The following GRM8 variants were observed in gnomAD, a reference collection of about 807,000 sequenced individuals.
The protein encoded by GRM8 is glutamate metabotropic receptor 8.
In GRM8, 47 loss-of-function variants were observed where a neutral mutation model predicts 87.2. The observed-to-expected ratio is 0.54, with a 90% CI of 0.43 to 0.69. The LOEUF (loss-of-function observed/expected upper bound fraction) is 0.69, where lower values mean the gene tolerates loss of function less well. Among genes scored for constraint, GRM8 ranks in the 30% least tolerant of loss-of-function variants. The probability of loss-of-function intolerance (pLI) is 0.00; values close to 1 mark genes in which losing one functional copy is unlikely to be tolerated. For missense variants in GRM8, 1,019 were observed against 1,139.2 expected (o/e 0.89, Z 1.52); for synonymous variants, 396 against 404.5 (o/e 0.98, Z 0.25).
chr7:126,456,819 T>C (rs1803298680), intron 9 of GRM8, among the ~76,000 whole-genome samples: 1 of 151,498 alleles, frequency 6.6e-6, no homozygotes, highest in Non-Finnish European at 1.5e-5. Flanking sequence ...GAAATAACAA[T>C]ATATATAACA....
At chr7:126,469,448 C>A (rs533717059) in intron 9 of GRM8, among the ~76,000 whole-genome samples, 33 of 152,216 alleles carry the variant, frequency 2.2e-4, no homozygotes, top group Non-Finnish European at 4.1e-4. Context: ...TTGGCTATGT[C>A]CCCACCCAAA....
At chr7:126,502,544 T>C (rs534087753) in intron 9 of GRM8, among the ~76,000 whole-genome samples, 1 of 152,172 alleles carries the variant, frequency 6.6e-6, no homozygotes, top group Non-Finnish European at 1.5e-5. Flanking sequence ...TGCTAAAATA[T>C]TTACAGAAGA....
chr7:126,584,985 C>T (rs549960165), intron 8 of GRM8, among the ~76,000 whole-genome samples: 14 of 152,122 alleles, frequency 9.2e-5, no homozygotes, highest in African/African-American at 2.9e-4. Context: ...AAATAAATAA[C>T]CCAATTGAAA....
At chr7:126,646,007 T>C (rs974017738) in intron 7 of GRM8, among the ~76,000 whole-genome samples, 4 of 152,152 alleles carry the variant, frequency 2.6e-5, no homozygotes, top group African/African-American at 9.7e-5. Context: ...CCTCCCTCTC[T>C]GTCTCTAGAG....
intron 7 of GRM8, among the ~76,000 whole-genome samples, chr7:126,611,441 A>T (rs144061514): frequency 6.6e-6 from 1 of 152,366 alleles, no homozygotes; most frequent in East Asian, 1.9e-4. Context: ...ACATAGTAAT[A>T]GAAAGGATGT....
intron 9 of GRM8, among the ~76,000 whole-genome samples, chr7:126,482,703 G>A (rs775194078): frequency 6.6e-6 from 1 of 151,934 alleles, no homozygotes; most frequent in African/African-American, 2.4e-5. Context: ...GATGCAAAGA[G>A]TTATAGAGAC....
chr7:126,643,060 G>T (rs1431977537), intron 7 of GRM8, among the ~76,000 whole-genome samples: 1 of 151,808 alleles, frequency 6.6e-6, no homozygotes, highest in Non-Finnish European at 1.5e-5. Flanking sequence ...GGAGGGTGAG[G>T]AGGGTGGATT....
intron 8 of GRM8, among the ~76,000 whole-genome samples, chr7:126,583,504 T>A (rs1449946850): frequency 1.3e-5 from 2 of 152,192 alleles, no homozygotes; most frequent in African/African-American, 2.4e-5. Context: ...TTCACCATTC[T>A]AGATGCCATT....
At chr7:126,546,367 G>T (rs935478237) in intron 8 of GRM8, among the ~76,000 whole-genome samples, 2 of 152,158 alleles carry the variant, frequency 1.3e-5, no homozygotes, top group Admixed American at 1.3e-4. Context: ...TGCTCCCGGG[G>T]CAGTGCATGA....
intron 2 of GRM8, among the ~76,000 whole-genome samples, chr7:127,182,988 A>G (rs1412853071): frequency 6.6e-6 from 1 of 151,820 alleles, no homozygotes; most frequent in Non-Finnish European, 1.5e-5. Flanking sequence ...CTCACAAATC[A>G]CCACTAAAGA....
chr7:126,904,721 G>T (rs375400410), intron 3 of GRM8, 38 bp from the exon 4 acceptor site: 10 of 1,595,148 alleles, frequency 6.3e-6, no homozygotes, highest in Admixed American at 3.4e-5. Flanking sequence ...TTCAGAAAGA[G>T]CATTTATTTA....
At chr7:126,757,051 T>C (rs984228412) in intron 7 of GRM8, among the ~76,000 whole-genome samples, 3 of 152,144 alleles carry the variant, frequency 2.0e-5, no homozygotes, top group African/African-American at 7.2e-5. Context: ...CATAAAATAA[T>C]TTCTTCAGCT....
chr7:127,137,274 G>C (rs947785025), intron 2 of GRM8, among the ~76,000 whole-genome samples: 5 of 151,964 alleles, frequency 3.3e-5, no homozygotes, highest in South Asian at 2.1e-4. Context: ...CAATGCCAGA[G>C]AGTAGGCACT....
intron 7 of GRM8, among the ~76,000 whole-genome samples, chr7:126,713,412 CAG>C (rs1258962083): frequency 6.6e-6 from 1 of 152,020 alleles, no homozygotes; most frequent in African/African-American, 2.4e-5. Flanking sequence ...CACATGGACA[CAG>C]GGAGGGGAAC....
At chr7:126,996,408 TACA>T (rs1162639477) in intron 3 of GRM8, among the ~76,000 whole-genome samples, 6 of 151,740 alleles carry the variant, frequency 4.0e-5, no homozygotes, top group African/African-American at 9.7e-5. Context: ...ACACAAACAG[TACA>T]ACAAGACAAA....
intron 7 of GRM8, among the ~76,000 whole-genome samples, chr7:126,731,720 T>C (rs1017670075): frequency 2.0e-5 from 3 of 152,110 alleles, no homozygotes; most frequent in African/African-American, 2.4e-5. Context: ...ATCATGGTAT[T>C]ATCAATACAT....
intron 7 of GRM8, among the ~76,000 whole-genome samples, chr7:126,633,421 A>G (rs1449856233): frequency 6.6e-6 from 1 of 152,158 alleles, no homozygotes; most frequent in East Asian, 1.9e-4. Flanking sequence ...GTGTTCAACA[A>G]TTGATGAGCG....
chr7:127,058,554 T>C (rs1157792672), intron 3 of GRM8, among the ~76,000 whole-genome samples: 1 of 152,198 alleles, frequency 6.6e-6, no homozygotes, highest in East Asian at 1.9e-4. Context: ...AAAATTAATT[T>C]GTTTCTAATT....
Position 126,723,386 on chromosome 7 carries a change from C to T in GRM8, c.1357+46479G>A, listed in dbSNP as rs370493047. Reference sequence around the variant, plus strand: ...AGAAGTTACTACAGATGTAGACCTGCGGCCAACGGAACAGGCCTGGGTGGA... The same window carrying T: ...AGAAGTTACTACAGATGTAGACCTGTGGCCAACGGAACAGGCCTGGGTGGA... On this transcript the variant is annotated intron_variant, in intron 7 of 10. Transcript: ENST00000339582. 8.6e-5 allele frequency among the ~76,000 whole-genome samples: 13 copies of T among 151,978 alleles called. No homozygotes were observed. In the East Asian group the frequency reaches 1.3e-3, roughly 16 times the overall value.
Sources: gnomAD v4.1 joint callset for allele counts (sites outside exome capture counted in the v4.1 genomes callset) on GRCh38, gnomAD v4.1.1 for gene constraint, MANE v1.5 for transcripts, NCBI Gene and HGNC (gene_info 2026-07-23, HGNC 2026-07-21) for gene names.